COL21A1: variants seen among roughly 807,000 people sequenced by gnomAD.
COL21A1 encodes the protein collagen alpha-1(XXI) chain.
In COL21A1, 149 loss-of-function variants were observed where a neutral mutation model predicts 137.9. That is an observed-to-expected ratio of 1.08 (90% CI 0.95 to 1.24). The LOEUF (loss-of-function observed/expected upper bound fraction) is 1.24. Among genes scored for constraint, COL21A1 ranks in the 50% most tolerant of loss-of-function variants. The pLI, the probability that COL21A1 is intolerant of heterozygous loss-of-function variation, is 0.00. For synonymous variants in COL21A1, 456 were observed against 391.5 expected, an observed-to-expected ratio of 1.16 and a Z score of -1.95; for missense variants, 1,167 against 1,158.4, an observed-to-expected ratio of 1.01 and a Z score of -0.11.
chr6:56,194,930 G>C (rs1005908386), intron 1 of COL21A1, among the ~76,000 whole-genome samples: 2 of 152,138 alleles, frequency 1.3e-5, no homozygotes, highest in Admixed American at 1.3e-4. Context: ...CTGCCTTTTC[G>C]AATGGGTTAA....
chr6:56,245,364 T>C (rs1782577469), intron 1 of COL21A1, among the ~76,000 whole-genome samples: 1 of 152,206 alleles, frequency 6.6e-6, no homozygotes, highest in Admixed American at 6.5e-5. Flanking sequence ...TCTAAAACTT[T>C]TTCCAGAAAG....
intron 28 of COL21A1, 102 bp downstream of exon 28, chr6:56,059,916 T>A (rs888739766): frequency 4.0e-6 from 3 of 746,526 alleles, no homozygotes; most frequent in Non-Finnish European, 6.4e-6. Context: ...CAGATTTTTT[T>A]ATCATGAAAA....
intron 1 of COL21A1, among the ~76,000 whole-genome samples, chr6:56,231,711 T>C (rs1418178300): frequency 6.6e-6 from 1 of 151,886 alleles, no homozygotes; most frequent in African/African-American, 2.4e-5. Flanking sequence ...CTGGATCCAC[T>C]AGATCTAATA....
intron 1 of COL21A1, among the ~76,000 whole-genome samples, chr6:56,189,189 C>T (rs1364457780): frequency 6.6e-6 from 1 of 151,920 alleles, no homozygotes; most frequent in African/African-American, 2.4e-5. Context: ...GGAGCATGTT[C>T]TAACCCAATG....
At chr6:56,295,516 C>T (rs560321504) in intron 1 of COL21A1, among the ~76,000 whole-genome samples, 22 of 152,002 alleles carry the variant, frequency 1.4e-4, no homozygotes, top group Admixed American at 2.6e-4. Context: ...CCATTGAATC[C>T]ATAGATGAAG....
intron 16 of COL21A1, among the ~76,000 whole-genome samples, chr6:56,109,000 G>A (rs1413439193): frequency 1.3e-5 from 2 of 151,456 alleles, no homozygotes; most frequent in South Asian, 2.1e-4. Flanking sequence ...AGAAAAACTA[G>A]AATTACAAAA....
chr6:56,113,856 C>A (rs569129610), intron 16 of COL21A1, among the ~76,000 whole-genome samples: 2 of 152,106 alleles, frequency 1.3e-5, no homozygotes, highest in African/African-American at 2.4e-5. Flanking sequence ...GAGTCCCAGG[C>A]CAGGCAGCAT....
chr6:56,189,760 C>G (rs1477220839), intron 1 of COL21A1, among the ~76,000 whole-genome samples: 2 of 152,202 alleles, frequency 1.3e-5, no homozygotes, highest in African/African-American at 4.8e-5. Context: ...ATCAGGCTAA[C>G]AGTGGATCTC....
intron 23 of COL21A1, among the ~76,000 whole-genome samples, chr6:56,066,037 C>A (rs386469181): frequency 6.6e-6 from 1 of 151,686 alleles, no homozygotes; most frequent in African/African-American, 2.4e-5. Flanking sequence ...GAGTACGAAG[C>A]GGTTTATGGG....
At chr6:56,136,850 T>G (rs1183685281) in intron 12 of COL21A1, among the ~76,000 whole-genome samples, 1 of 152,092 alleles carries the variant, frequency 6.6e-6, no homozygotes, top group African/African-American at 2.4e-5. Context: ...CCCTCTTCCC[T>G]AGAGAGAAAT....
At chr6:56,084,938 C>T (rs1244938747) in intron 17 of COL21A1, among the ~76,000 whole-genome samples, 1 of 151,948 alleles carries the variant, frequency 6.6e-6, no homozygotes, top group African/African-American at 2.4e-5. Flanking sequence ...GGGAGTTATT[C>T]TTGCAGATAA....
At chr6:56,129,575 T>A (rs1366150858) in intron 12 of COL21A1, among the ~76,000 whole-genome samples, 3 of 152,050 alleles carry the variant, frequency 2.0e-5, no homozygotes, top group African/African-American at 7.2e-5. Flanking sequence ...CTAAAAGGAA[T>A]CATATTTTTT....
intron 17 of COL21A1, among the ~76,000 whole-genome samples, chr6:56,090,576 C>T (rs888795676): frequency 3.0e-4 from 46 of 152,146 alleles, no homozygotes; most frequent in African/African-American, 1.1e-3. Flanking sequence ...TTTAGTCAAT[C>T]CTACAGATAA....
rs769650684 is a variant in COL21A1 at position 56,164,787 on chromosome 6, A to T, written c.1287+27T>A. On this transcript the variant is annotated intron_variant, in intron 8 of 29. Coordinates refer to ENST00000244728, the MANE Select transcript of COL21A1 (RefSeq NM_030820.4). ...GGTCCCACAATACAAATATTACCTT[A>T]AGGGGAACAATAGTATCCAAGCCTA... The T allele has an allele frequency of 8.4e-6, 13 of 1,556,562 alleles. No homozygotes were observed. In the Admixed American group the frequency reaches 2.3e-4, roughly 27 times the overall value.
intron 1 of COL21A1, among the ~76,000 whole-genome samples, chr6:56,212,763 A>G (rs1780249167): frequency 6.6e-6 from 1 of 152,066 alleles, no homozygotes; most frequent in Non-Finnish European, 1.5e-5. Context: ...ATGATCTCTA[A>G]GAATATGTTC....
At position 56,264,337 on chromosome 6, in the gene COL21A1, C is replaced by T. The variant is rs1763347501; in HGVS notation, c.-38-81681G>A. On this transcript the variant is annotated intron_variant, in intron 1 of 28. Transcript: ENST00000370819. ...TCATCCTCCAGAAACCCACTCTCAT[C>T]CCACCACTTCTCTCAGACTTAAGCA... is the stretch of plus-strand genomic sequence containing the variant. Among the ~76,000 whole-genome samples the T allele has an allele frequency of 2.0e-5, 3 of 152,148 alleles. No homozygotes were observed. The South Asian group carries it at 6.2e-4, about 32-fold the overall frequency.
chr6:56,119,072 C>T (rs901577094), intron 16 of COL21A1, among the ~76,000 whole-genome samples: 3 of 152,024 alleles, frequency 2.0e-5, no homozygotes, highest in Admixed American at 6.6e-5. Context: ...ACTGGAAGTC[C>T]TAGCTAGAGA....
chr6:56,312,014 G>A (rs529827275), intron 1 of COL21A1, among the ~76,000 whole-genome samples: 1 of 152,324 alleles, frequency 6.6e-6, no homozygotes, highest in African/African-American at 2.4e-5. Flanking sequence ...ACTGACAACA[G>A]AATTGTGTGA....
rs78824061 is a variant in COL21A1 at position 56,088,952 on chromosome 6, T to C, written c.1813-11379A>G. Among the ~76,000 whole-genome samples, 1,458 of 152,198 alleles carry C rather than the reference T, an allele frequency of 9.6e-3. 25 individuals are homozygous for C. Among genetic ancestry groups the C allele is most frequent in the Middle Eastern group, 0.065 (19 of 294 alleles). Reference sequence around the variant, plus strand: ...GGCACACATCACCACATCTGGCTAATTTTTTGTATGTTTTGTAGAGATGGG... The same window carrying C: ...GGCACACATCACCACATCTGGCTAACTTTTTGTATGTTTTGTAGAGATGGG... On this transcript the variant is annotated intron_variant, in intron 17 of 29. Coordinates refer to ENST00000244728, the MANE Select transcript of COL21A1 (RefSeq NM_030820.4).
Sources: allele counts gnomAD v4.1 joint callset (sites outside exome capture counted in the v4.1 genomes callset), GRCh38; gene constraint gnomAD v4.1.1; transcripts MANE v1.5; gene names NCBI Gene and HGNC (gene_info 2026-07-23, HGNC 2026-07-21).